The following SLC44A5 variants were observed in gnomAD, a reference collection of about 807,000 sequenced individuals.
SLC44A5 encodes the protein solute carrier family 44 member 5, also known as choline transporter-like protein 5.
In SLC44A5, 57 loss-of-function variants were observed where a neutral mutation model predicts 101.8. That is an observed-to-expected ratio of 0.56 (90% CI 0.45 to 0.70). SLC44A5 has a LOEUF of 0.70. Among genes scored for constraint, SLC44A5 ranks in the 30% least tolerant of loss-of-function variants. The probability of loss-of-function intolerance (pLI) is 0.00; values close to 1 mark genes in which losing one functional copy is unlikely to be tolerated. For missense variants in SLC44A5, 737 were observed against 853.1 expected (o/e 0.86, Z 1.70); for synonymous variants, 281 against 290.9 (o/e 0.97, Z 0.35).
chr1:75,326,094 CCGTG>C (rs1321963127), intron 4 of SLC44A5, among the ~76,000 whole-genome samples: 2 of 109,086 alleles, frequency 1.8e-5, no homozygotes, highest in Admixed American at 9.8e-5. Context: ...CTCTCTCTCT[CCGTG>C]TGTGTGTGTG....
chr1:75,413,995 G>A (rs375979047), intron 2 of SLC44A5, among the ~76,000 whole-genome samples: 12 of 151,928 alleles, frequency 7.9e-5, no homozygotes, highest in East Asian at 1.9e-4. Flanking sequence ...TTTTGCATAC[G>A]GACAATGGAG....
intron 2 of SLC44A5, among the ~76,000 whole-genome samples, chr1:75,403,897 C>T (rs984894970): frequency 1.3e-5 from 2 of 151,956 alleles, no homozygotes; most frequent in Admixed American, 6.6e-5. Context: ...ATAACAAACT[C>T]CTCCGAGCTA....
intron 1 of SLC44A5, among the ~76,000 whole-genome samples, chr1:75,575,577 T>C (rs928468260): frequency 1.3e-5 from 2 of 152,218 alleles, no homozygotes; most frequent in Admixed American, 6.5e-5. Context: ...TGCATAATTC[T>C]TTAAAAACTG....
intron 2 of SLC44A5, among the ~76,000 whole-genome samples, chr1:75,428,758 T>G (rs1478720051): frequency 6.6e-6 from 1 of 152,162 alleles, no homozygotes; most frequent in Non-Finnish European, 1.5e-5. Context: ...TGGCTTATAC[T>G]CATAAGAGTA....
chr1:75,204,429 A>T (rs1042220780), intron 23 of SLC44A5: 1 of 152,182 alleles, frequency 6.6e-6, no homozygotes, highest in Non-Finnish European at 1.5e-5. Context: ...ATGTTAGCTC[A>T]TAATATAAAT....
chr1:75,233,131 T>G (rs140618755), intron 12 of SLC44A5, among the ~76,000 whole-genome samples: 257 of 152,314 alleles, frequency 1.7e-3, no homozygotes, highest in African/African-American at 5.8e-3. Flanking sequence ...TTAATTCATA[T>G]GTAGAGCTCA....
chr1:75,580,846 AAAC>A (rs1673651225), intron 1 of SLC44A5, among the ~76,000 whole-genome samples: 2 of 151,452 alleles, frequency 1.3e-5, no homozygotes, highest in Non-Finnish European at 1.5e-5. Context: ...TCAAAAAAAA[AAAC>A]AAAGAAAAAG....
At chr1:75,496,695 A>G (rs999619783) in intron 2 of SLC44A5, among the ~76,000 whole-genome samples, 1 of 152,026 alleles carries the variant, frequency 6.6e-6, no homozygotes, top group Non-Finnish European at 1.5e-5. Context: ...TGAAAAGGCA[A>G]CCTACAAAAT....
At chr1:75,410,383 T>A (rs1265368159) in intron 2 of SLC44A5, among the ~76,000 whole-genome samples, 1 of 152,052 alleles carries the variant, frequency 6.6e-6, no homozygotes, top group African/African-American at 2.4e-5. Flanking sequence ...TACTATCGCA[T>A]CTTTTCATTT....
rs112822263 is a variant in SLC44A5, at chr1:75,468,036, C to CA, written c.14-71416dup. On this transcript the variant is annotated intron_variant, in intron 2 of 23. Coordinates refer to ENST00000370859, the MANE Select transcript of SLC44A5 (RefSeq NM_001130058.2). ...ACAAAAGATTTGAATAGACATTTCT[C>CA]AAAAAAAAGGCATACAAAAGGCATA... Among the ~76,000 whole-genome samples, 33 of 151,430 alleles carry CA rather than the reference C, an allele frequency of 2.2e-4. No homozygotes were observed. In the South Asian group the frequency reaches 3.7e-3, roughly 17 times the overall value.
At chr1:75,568,999 T>C (rs1246443382) in intron 1 of SLC44A5, among the ~76,000 whole-genome samples, 1 of 152,338 alleles carries the variant, frequency 6.6e-6, no homozygotes, top group African/African-American at 2.4e-5. Context: ...TAATGTTGCC[T>C]TCCCTCACTT....
At chr1:75,676,277 CAA>C in the SLC44A5 span, among the ~76,000 whole-genome samples, 2 of 152,250 alleles carry the variant, frequency 1.3e-5, no homozygotes, top group East Asian at 3.9e-4. Flanking sequence ...TTCACAATCA[CAA>C]AGACACAGAA....
At chr1:75,396,738 A>G in intron 2 of SLC44A5, 117 bp from the exon 3 acceptor site, 2 of 771,354 alleles carry the variant, frequency 2.6e-6, no homozygotes, top group Non-Finnish European at 4.6e-6. Flanking sequence ...ACACAAAATA[A>G]CATAAGGCAG....
intron 1 of SLC44A5, among the ~76,000 whole-genome samples, chr1:75,577,593 A>T (rs1673444944): frequency 6.6e-6 from 1 of 152,120 alleles, no homozygotes; most frequent in African/African-American, 2.4e-5. Context: ...CACCACATTC[A>T]TACATCATAC....
At chr1:75,583,604 C>A (rs1474057432) in intron 1 of SLC44A5, among the ~76,000 whole-genome samples, 2 of 152,192 alleles carry the variant, frequency 1.3e-5, no homozygotes, top group African/African-American at 4.8e-5. Context: ...AGAAAAGAAG[C>A]AGAGACCTAT....
intron 1 of SLC44A5, among the ~76,000 whole-genome samples, chr1:75,573,072 T>C (rs1428337990): frequency 7.6e-5 from 9 of 118,246 alleles, no homozygotes; most frequent in African/African-American, 3.1e-4. Flanking sequence ...GCAGTGAGCT[T>C]AGATTGCACC....
At chr1:75,650,616 T>C in the SLC44A5 span, among the ~76,000 whole-genome samples, 1 of 152,274 alleles carries the variant, frequency 6.6e-6, no homozygotes, top group Non-Finnish European at 1.5e-5. Flanking sequence ...TAGGCATATA[T>C]GCCCTATATA....
intron 2 of SLC44A5, among the ~76,000 whole-genome samples, chr1:75,421,920 A>G (rs779003588): frequency 6.6e-6 from 1 of 152,088 alleles, no homozygotes; most frequent in Non-Finnish European, 1.5e-5. Context: ...TGTGGTCCAT[A>G]TATCAAGAAT....
intron 3 of SLC44A5, among the ~76,000 whole-genome samples, chr1:75,350,934 C>T (rs1570745671): frequency 7.0e-6 from 1 of 143,514 alleles, no homozygotes; most frequent in African/African-American, 2.5e-5. Flanking sequence ...AAGGTTGAAA[C>T]AAAAGGATGG....
Sources: gnomAD v4.1 joint callset for allele counts (sites outside exome capture counted in the v4.1 genomes callset) on GRCh38, gnomAD v4.1.1 for gene constraint, MANE v1.5 for transcripts, NCBI Gene and HGNC (gene_info 2026-07-23, HGNC 2026-07-21) for gene names.